GPR37: variants seen among roughly 807,000 people sequenced by gnomAD.
The protein encoded by GPR37 is prosaposin receptor GPR37.
A neutral mutation model predicts 43.6 loss-of-function variants in GPR37; 20 were observed. The ratio of observed to expected loss-of-function variants is 0.46; its 90% confidence interval spans 0.32 to 0.67. GPR37 has a LOEUF of 0.67. Ranked by LOEUF, GPR37 falls within the 30% of genes least tolerant of loss-of-function variation. GPR37 has a pLI of 0.03. For synonymous variants in GPR37, 315 were observed against 322.6 expected (o/e 0.98, Z 0.25); for missense variants, 724 against 797.2 (o/e 0.91, Z 1.11).
chr7:124,755,638 A>G (rs1174521157), intron 1 of GPR37, among the ~76,000 whole-genome samples: 1 of 152,222 alleles, frequency 6.6e-6, no homozygotes, highest in African/African-American at 2.4e-5. Flanking sequence ...TTATTAAAAT[A>G]AAAATGTAAA....
chr7:124,756,214 T>C (rs1227092891), intron 1 of GPR37, among the ~76,000 whole-genome samples: 2 of 152,112 alleles, frequency 1.3e-5, no homozygotes, highest in African/African-American at 2.4e-5. Flanking sequence ...AAGATGGGAA[T>C]TGATGAGGAA....
In GPR37 at chr7:124,746,798, T is replaced by C. The variant is rs753205316; in HGVS notation, c.1569A>G (p.Ser523=). 11 of 1,613,938 alleles carry C rather than the reference T, an allele frequency of 6.8e-6. No homozygotes were observed. Among genetic ancestry groups the C allele is most frequent in the Non-Finnish European group, 9.3e-6 (11 of 1,179,946 alleles). ...TATTAAGGAGGTCCATTGTCTGCTG[T>C]GAAACCCCTGTAGCCATGTAGGCAG... ...IVTAYMATGV[S]QQTMDLLNII... The change falls in exon 2 of 2, where the codon TCA becomes TCG. Residue 523 remains serine (S), a synonymous_variant. Coordinates refer to ENST00000303921, the MANE Select transcript of GPR37 (RefSeq NM_005302.5).
chr7:124,756,938 T>C (rs1016551576), intron 1 of GPR37, among the ~76,000 whole-genome samples: 6 of 152,204 alleles, frequency 3.9e-5, no homozygotes, highest in Admixed American at 6.5e-5. Context: ...GGTAAACTTA[T>C]AAGCTCATAT....
At chr7:124,761,242 C>T (rs759238262) in intron 1 of GPR37, among the ~76,000 whole-genome samples, 2 of 151,718 alleles carry the variant, frequency 1.3e-5, no homozygotes, top group Admixed American at 1.3e-4. Context: ...AAGAATGAAG[C>T]ACTGATTCCT....
chr7:124,762,534 T>C (rs1793862965), intron 1 of GPR37, among the ~76,000 whole-genome samples: 1 of 151,956 alleles, frequency 6.6e-6, no homozygotes, highest in African/African-American at 2.4e-5. Flanking sequence ...AAGAGGCAGT[T>C]TGGTAAATAG....
intron 1 of GPR37, among the ~76,000 whole-genome samples, chr7:124,754,884 T>C (rs887456309): frequency 3.9e-5 from 6 of 152,122 alleles, no homozygotes; most frequent in African/African-American, 1.4e-4. Context: ...TCTTCTTGCA[T>C]TTTTCCATTA....
chr7:124,760,753 C>T (rs1327597652), intron 1 of GPR37, among the ~76,000 whole-genome samples: 1 of 152,122 alleles, frequency 6.6e-6, no homozygotes, highest in African/African-American at 2.4e-5. Flanking sequence ...GGTCTGGTGG[C>T]TACTGACCAG....
chr7:124,757,395 T>C (rs1691217720), intron 1 of GPR37, among the ~76,000 whole-genome samples: 2 of 152,174 alleles, frequency 1.3e-5, no homozygotes, highest in African/African-American at 4.8e-5. Context: ...TAAAAGAAAT[T>C]TCTAGAACTG....
rs755125416 is a variant in GPR37 at position 124,764,637 on chromosome 7, T to G, written c.340A>C (p.Thr114Pro). 3.8e-6 allele frequency: 6 copies of G among 1,588,456 alleles called. No individual in the cohort carries two copies. Among genetic ancestry groups the G allele is most frequent in the African/African-American group, 1.3e-5 (1 of 74,198 alleles). Residue 114 changes from threonine to proline, a missense_variant, in exon 1 of 2, where the codon ACC becomes CCC. By Grantham distance (38) the Thr-to-Pro change is conservative. Transcript: ENST00000303921. This position sits in a 1 kb window ranked among gnomAD's most constrained non-coding sequence, Gnocchi z 5.4. Reference protein sequence around the residue: ...ASAAGPPGPPTRPPGPWRWKG... With the variant: ...ASAAGPPGPPPRPPGPWRWKG... The stretch of plus-strand genomic sequence containing the variant: ...CACCTCCAGGGGCCAGGTGGCCTGG[T>G]TGGAGGTCCCGGGGGTCCGGCTGCC...
intron 1 of GPR37, among the ~76,000 whole-genome samples, chr7:124,755,919 A>G (rs1303753241): frequency 6.6e-6 from 1 of 152,160 alleles, no homozygotes; most frequent in Non-Finnish European, 1.5e-5. Context: ...GACTAATGAT[A>G]TTGATTTGCA....
In GPR37 at chr7:124,765,240, G is replaced by C. The variant is rs1793907043; in HGVS notation, c.-264C>G. The C allele has an allele frequency of 2.5e-6, 1 of 403,810 alleles. No individual in the cohort carries two copies. The highest frequency in any genetic ancestry group is 9.5e-5 in the South Asian group (1 of 10,578). 25.0% of individuals were successfully genotyped at this position (403,810 alleles called of 1,614,324 possible). A position where few individuals can be genotyped will look rare whatever the true frequency, so the allele number is the denominator to read the frequency against. ...GTATGCCCTCCAAGGTTCCTAGAGG[G>C]AATAGGCTACTCCCGGTGGCTGACC... is the stretch of plus-strand genomic sequence containing the variant. On this transcript the variant is annotated 5_prime_UTR_variant, in exon 1 of 2. Coordinates refer to ENST00000303921, the MANE Select transcript of GPR37 (RefSeq NM_005302.5).
chr7:124,762,052 A>G (rs1461827309), intron 1 of GPR37, among the ~76,000 whole-genome samples: 7 of 152,136 alleles, frequency 4.6e-5, no homozygotes, highest in Non-Finnish European at 1.0e-4. Context: ...GATTTTACTA[A>G]TAATAAGAGG....
intron 1 of GPR37, among the ~76,000 whole-genome samples, chr7:124,754,012 A>G (rs1793764142): frequency 6.6e-6 from 1 of 152,102 alleles, no homozygotes; most frequent in Non-Finnish European, 1.5e-5. Flanking sequence ...GTAAGAAAAA[A>G]ATGTATCGCT....
chr7:124,751,655 T>C (rs1215648461), intron 1 of GPR37, among the ~76,000 whole-genome samples: 1 of 152,170 alleles, frequency 6.6e-6, no homozygotes, highest in Non-Finnish European at 1.5e-5. Flanking sequence ...AATAGTGCAA[T>C]TATGTGCAAT....
chr7:124,751,376 A>G (rs925239199), intron 1 of GPR37, among the ~76,000 whole-genome samples: 1 of 152,146 alleles, frequency 6.6e-6, no homozygotes, highest in Non-Finnish European at 1.5e-5. Flanking sequence ...TATGGTGTGA[A>G]AGAGCAAGAA....
At chr7:124,751,961 A>C (rs1324744404) in intron 1 of GPR37, among the ~76,000 whole-genome samples, 2 of 152,146 alleles carry the variant, frequency 1.3e-5, no homozygotes, top group Non-Finnish European at 1.5e-5. Flanking sequence ...ATAGAAACAA[A>C]ATTTTAACTA....
chr7:124,764,751 G>T lies in GPR37; in HGVS notation c.226C>A (p.Gln76Lys). Residue 76 changes from glutamine to lysine, a missense_variant, in exon 1 of 2, where the codon CAG becomes AAG. This residue lies in a region of GPR37 where 382 missense variants were observed against 355.4 expected (regional missense o/e 1.07). Transcript: ENST00000303921. The surrounding 1 kb of genome is among the most constrained non-coding windows in gnomAD (Gnocchi z 5.4). ...VLRARAPREE[Q>K]GAAFLAGPSW... ...GGTCCCGCAAGAAACGCTGCCCCCT[G>T]CTCCTCCCTGGGTGCTCGGGCTCGC... is the stretch of plus-strand genomic sequence containing the variant. 1 of 1,611,762 alleles carries T rather than the reference G, an allele frequency of 6.2e-7. No homozygotes were observed.
At chr7:124,756,721 G>A (rs1258147298) in intron 1 of GPR37, among the ~76,000 whole-genome samples, 1 of 152,196 alleles carries the variant, frequency 6.6e-6, no homozygotes, top group Admixed American at 6.5e-5. Flanking sequence ...CAGAAGTGCA[G>A]AGGCAGAGAC....
At chr7:124,748,043 G>A (rs1408318485) in intron 1 of GPR37, among the ~76,000 whole-genome samples, 2 of 152,168 alleles carry the variant, frequency 1.3e-5, no homozygotes, top group Non-Finnish European at 2.9e-5. Context: ...CCTGGTGAGG[G>A]TTTCAAGTTA....
Sources: gnomAD v4.1 joint callset for allele counts (sites outside exome capture counted in the v4.1 genomes callset) on GRCh38, gnomAD v4.1.1 for gene constraint, gnomAD v4.1.1 regional missense constraint, Gnocchi (gnomAD v3.1) non-coding constraint, MANE v1.5 for transcripts, NCBI Gene and HGNC (gene_info 2026-07-23, HGNC 2026-07-21) for gene names.